The following SYN3 variants were observed in gnomAD, a reference collection of about 807,000 sequenced individuals.
The protein encoded by SYN3 is synapsin III.
Under a neutral mutation model 65.8 loss-of-function variants are expected in SYN3, and 35 were observed. That is an observed-to-expected ratio of 0.53 (90% confidence interval 0.41 to 0.70). SYN3 has a LOEUF of 0.70. Ranked by LOEUF, SYN3 falls within the 30% of genes least tolerant of loss-of-function variation. The pLI is 0.00. For missense variants in SYN3, 680 were observed against 749.0 expected (o/e 0.91, Z 1.08); for synonymous variants, 270 against 292.9 (o/e 0.92, Z 0.80).
chr22:32,773,057 A>G (rs2045815820), intron 6 of SYN3, among the ~76,000 whole-genome samples: 1 of 152,154 alleles, frequency 6.6e-6, no homozygotes. Flanking sequence ...TAGACAAGGA[A>G]CAAATGAATA....
At chr22:33,038,769 TG>T (rs1268170661) in intron 1 of SYN3, among the ~76,000 whole-genome samples, 1 of 118,610 alleles carries the variant, frequency 8.4e-6, no homozygotes, top group Admixed American at 8.9e-5. Flanking sequence ...AGAGTCAAGT[TG>T]GAAATCTTAA....
At chr22:32,800,579 G>C (rs1231668350) in intron 6 of SYN3, among the ~76,000 whole-genome samples, 1 of 152,194 alleles carries the variant, frequency 6.6e-6, no homozygotes, top group Non-Finnish European at 1.5e-5. Context: ...CAATAATAAG[G>C]ATAGTAATTG....
chr22:32,810,037 G>A (rs2046873406), intron 6 of SYN3, among the ~76,000 whole-genome samples: 1 of 152,194 alleles, frequency 6.6e-6, no homozygotes, highest in African/African-American at 2.4e-5. Context: ...CAGAGGAGGT[G>A]ACATGGGTTC....
chr22:33,008,957 A>G (rs2053273688), intron 1 of SYN3, among the ~76,000 whole-genome samples: 8 of 138,500 alleles, frequency 5.8e-5, no homozygotes, highest in African/African-American at 1.9e-4. Context: ...AAAAAAAAAA[A>G]AAAAAAGAGA....
rs142076478 is a variant in SYN3 at position 32,671,800 on chromosome 22, TAC to T, written c.712-75066_712-75065del. Among the ~76,000 whole-genome samples, 246 of 132,116 alleles carry T rather than the reference TAC, an allele frequency of 1.9e-3. 5 individuals carry two copies. In the East Asian group the frequency reaches 0.043, roughly 23 times the overall value. 86.7% of individuals were successfully genotyped at this position (132,116 alleles called of 152,430 possible). On this transcript the variant is annotated intron_variant, in intron 6 of 13. Coordinates refer to ENST00000358763, the MANE Select transcript of SYN3 (RefSeq NM_003490.4). ...GCACACACACATGCTCTCACACAGGTACACACACACGCTGTGACACAGGTGCA... is the reference window on the plus strand; with the variant it reads ...GCACACACACATGCTCTCACACAGGTACACACACGCTGTGACACAGGTGCA...
At chr22:32,826,706 TA>T (rs1175054436) in intron 6 of SYN3, among the ~76,000 whole-genome samples, 1 of 152,218 alleles carries the variant, frequency 6.6e-6, no homozygotes, top group Non-Finnish European at 1.5e-5. Flanking sequence ...TGAGCTGGAA[TA>T]AAATGTACTA....
intron 3 of SYN3, among the ~76,000 whole-genome samples, chr22:32,948,134 C>T (rs2051168592): frequency 6.6e-6 from 1 of 152,200 alleles, no homozygotes; most frequent in African/African-American, 2.4e-5. Flanking sequence ...TGCCACATCT[C>T]CATCTCCAGT....
rs747116076 is a variant in SYN3 at position 32,679,839 on chromosome 22, C to CTTTTTTTTTTTTTTTTTTTTTTTTTT, written c.712-83104_712-83103insAAAAAAAAAAAAAAAAAAAAAAAAAA. ...AAACTGGGTGAGGTTTGTTTTTTGGCTTTTTTTTTTTTTTTTTTTGCTATT... is the reference window on the plus strand; with the variant it reads ...AAACTGGGTGAGGTTTGTTTTTTGGCTTTTTTTTTTTTTTTTTTTTTTTTTTTTTTTTTTTTTTTTTTTTTGCTATT... On this transcript the variant is annotated intron_variant, in intron 6 of 13. Transcript: ENST00000358763. Among the ~76,000 whole-genome samples the CTTTTTTTTTTTTTTTTTTTTTTTTTT allele has an allele frequency of 1.0e-2, 391 of 39,150 alleles. 100 individuals are homozygous for CTTTTTTTTTTTTTTTTTTTTTTTTTT. The highest frequency in any genetic ancestry group is 0.014 in the Non-Finnish European group (312 of 21,560). 25.7% of individuals were successfully genotyped at this position (39,150 alleles called of 152,430 possible).
chr22:32,530,836 C>G (rs2058057007), intron 10 of SYN3, among the ~76,000 whole-genome samples: 1 of 151,838 alleles, frequency 6.6e-6, no homozygotes, highest in East Asian at 1.9e-4. Context: ...AACCCCGTCT[C>G]TACTAAAAAT....
chr22:32,758,704 C>A (rs1261068156), intron 6 of SYN3, among the ~76,000 whole-genome samples: 2,054 of 29,426 alleles, frequency 0.07, no homozygotes, highest in Middle Eastern at 0.097. Flanking sequence ...ATATATATGT[C>A]TTATTAGTTC....
At chr22:32,617,515 G>A (rs539271675) in intron 6 of SYN3, among the ~76,000 whole-genome samples, 1 of 150,790 alleles carries the variant, frequency 6.6e-6, no homozygotes, top group African/African-American at 2.4e-5. Flanking sequence ...CTTGTTCTGA[G>A]TCATCCCGTG....
intron 6 of SYN3, among the ~76,000 whole-genome samples, chr22:32,696,590 G>C (rs1385350058): frequency 6.6e-6 from 1 of 152,108 alleles, no homozygotes; most frequent in Non-Finnish European, 1.5e-5. Flanking sequence ...CCTCTAAATG[G>C]GGACCATGAC....
At chr22:32,676,528 C>CTTTTTTTTTTTTTTTT (rs879196572) in intron 6 of SYN3, among the ~76,000 whole-genome samples, 6 of 88,930 alleles carry the variant, frequency 6.7e-5, no homozygotes, top group Admixed American at 1.3e-4. Context: ...TCTTTTCTTT[C>CTTTTTTTTTTTTTTTT]TTTTTTTTTT....
At chr22:32,521,496 G>A (rs1267710595) in intron 12 of SYN3, among the ~76,000 whole-genome samples, 1 of 143,392 alleles carries the variant, frequency 7.0e-6, no homozygotes, top group Non-Finnish European at 1.5e-5. Context: ...CCGGGCTAGA[G>A]TGCAGTGGCG....
chr22:32,895,852 C>G (rs1052179749), intron 4 of SYN3, among the ~76,000 whole-genome samples: 2 of 152,082 alleles, frequency 1.3e-5, no homozygotes, highest in African/African-American at 4.8e-5. Context: ...CTAGGCTGCT[C>G]GGCTTAGAAG....
Position 32,965,734 on chromosome 22 carries a change from C to T in SYN3, c.369+14911G>A, listed in dbSNP as rs554796591. Among the ~76,000 whole-genome samples the T allele has an allele frequency of 2.4e-4, 36 of 152,196 alleles. No homozygotes were observed. In the South Asian group the frequency reaches 6.4e-3, roughly 27 times the overall value. Reference sequence around the variant, plus strand: ...GTTTTATGATGGAGTCTCGCTCTTTCGCCCAGGCTGAAGTGAGTGGCACGA... The same window carrying T: ...GTTTTATGATGGAGTCTCGCTCTTTTGCCCAGGCTGAAGTGAGTGGCACGA... On this transcript the variant is annotated intron_variant, in intron 3 of 13. Coordinates refer to ENST00000358763, the MANE Select transcript of SYN3 (RefSeq NM_003490.4).
At chr22:32,935,492 G>A (rs150727979) in intron 3 of SYN3, among the ~76,000 whole-genome samples, 3 of 139,572 alleles carry the variant, frequency 2.1e-5, no homozygotes, top group Non-Finnish European at 4.5e-5. Context: ...CTCTTGTTGC[G>A]CAGGCTGGAG....
chr22:32,521,481 A>G (rs1428834040), intron 12 of SYN3, among the ~76,000 whole-genome samples: 1 of 121,210 alleles, frequency 8.3e-6, no homozygotes, highest in East Asian at 2.4e-4. Flanking sequence ...GTCTTGCACT[A>G]TTATCCGGGC....
chr22:33,055,629 A>G (rs1383068886), intron 1 of SYN3, among the ~76,000 whole-genome samples: 1 of 152,224 alleles, frequency 6.6e-6, no homozygotes, highest in Non-Finnish European at 1.5e-5. Context: ...TAGGAAAGTA[A>G]ATAAAATAGA....
Sources: allele counts gnomAD v4.1 joint callset (sites outside exome capture counted in the v4.1 genomes callset), GRCh38; gene constraint gnomAD v4.1.1; transcripts MANE v1.5; gene names NCBI Gene and HGNC (gene_info 2026-07-23, HGNC 2026-07-21).